The following IFT122 variants were observed in gnomAD, a reference collection of about 807,000 sequenced individuals.
IFT122 encodes the protein intraflagellar transport 122.
In IFT122, 118 loss-of-function variants were observed where a neutral mutation model predicts 161.6. The ratio of observed to expected loss-of-function variants is 0.73; its 90% confidence interval spans 0.63 to 0.85. IFT122 has a LOEUF of 0.85. IFT122 is among the 40% of genes least tolerant of loss of function. The pLI, the probability that IFT122 is intolerant of heterozygous loss-of-function variation, is 0.00. For synonymous variants in IFT122, 550 were observed against 602.4 expected, an observed-to-expected ratio of 0.91 and a Z score of 1.27; for missense variants, 1,381 against 1,579.6, an observed-to-expected ratio of 0.87 and a Z score of 2.13.
chr3:129,479,786 A>G lies in IFT122; in HGVS notation c.1352A>G (p.Glu451Gly). The change falls in exon 13 of 30, where the codon GAG (glutamate) becomes GGG (glycine). Residue 451 changes from glutamate (E) to glycine (G), a missense_variant and splice_region_variant. Transcript: ENST00000348417. The part of the protein sequence containing the change: ...VCANHIILCQ[E>G]KRLQCLSFSG... ...TGCAGAGCTGGGTTTGCTTCCTAGGAGAAACGGCTGCAGTGCCTGTCCTTC... is the reference window on the plus strand; with the variant it reads ...TGCAGAGCTGGGTTTGCTTCCTAGGGGAAACGGCTGCAGTGCCTGTCCTTC... 3.1e-6 allele frequency: 5 copies of G among 1,613,930 alleles called. No homozygotes were observed. Among genetic ancestry groups the G allele is most frequent in the Non-Finnish European group, 4.2e-6 (5 of 1,180,030 alleles).
chr3:129,478,761 C>G (rs901970801), intron 12 of IFT122, among the ~76,000 whole-genome samples: 1 of 152,166 alleles, frequency 6.6e-6, no homozygotes, highest in East Asian at 1.9e-4. Flanking sequence ...ATACCTTGTT[C>G]TATTGCAGAA....
chr3:129,519,923 G>A (rs924818789), intron 29 of IFT122, among the ~76,000 whole-genome samples, 191 bp downstream of exon 29: 3 of 152,104 alleles, frequency 2.0e-5, no homozygotes, highest in Admixed American at 1.3e-4. Flanking sequence ...TGGCCCCTGC[G>A]CTGTCCACAT....
Position 129,476,480 on chromosome 3 carries a change from C to T in IFT122, c.982C>T (p.Gln328Ter), listed in dbSNP as rs1377926916. Reference protein sequence around the residue: ...GEQNSWVWTCQAKPDSNYVVV... With the variant: ...GEQNSWVWTC ...GCAGAACTCCTGGGTGTGGACGTGT[C>T]AAGCGAAACCGGATTCCAACTATGT... The change falls in exon 10 of 30, where the codon CAA (glutamine) becomes TAA (stop). Residue 328 changes from glutamine (Q) to a stop codon, truncating the protein, a stop_gained. Transcript: ENST00000348417. LOFTEE classifies it high-confidence loss of function. 1 of 1,614,090 alleles carries T rather than the reference C, an allele frequency of 6.2e-7. No individual in the cohort carries two copies. Among genetic ancestry groups the T allele is most frequent in the Admixed American group, 1.7e-5 (1 of 60,016 alleles).
At chr3:129,460,800 G>A in intron 4 of IFT122, 1 of 1,452,716 alleles carries the variant, frequency 6.9e-7, no homozygotes, top group Non-Finnish European at 9.7e-7. Context: ...CGCCTTGCAT[G>A]GTACATGATT....
chr3:129,500,173 A>C (rs2081359589), intron 19 of IFT122, 105 bp downstream of exon 19: 1 of 1,333,750 alleles, frequency 7.5e-7, no homozygotes, highest in Non-Finnish European at 1.1e-6. Context: ...ATCTAAAGCT[A>C]ATGTGATAGT....
intron 3 of IFT122, among the ~76,000 whole-genome samples, chr3:129,455,774 G>T (rs2075402232): frequency 6.6e-6 from 1 of 151,900 alleles, no homozygotes; most frequent in African/African-American, 2.4e-5. Flanking sequence ...ATTATATATT[G>T]TATTCTTAAA....
Position 129,440,368 on chromosome 3 carries a change from A to G in IFT122, c.38A>G (p.His13Arg), listed in dbSNP as rs1202494107. 3 of 1,550,624 alleles carry G rather than the reference A, an allele frequency of 1.9e-6. No individual in the cohort carries two copies. The highest frequency in any genetic ancestry group is 2.6e-6 in the Non-Finnish European group (3 of 1,146,792). Residue 13 changes from histidine (H) to arginine (R), a missense_variant, in exon 1 of 30, where the codon CAC (histidine) becomes CGC (arginine). This residue lies in a region of IFT122 where 134 missense variants were observed against 137.4 expected (regional missense o/e 0.98). Transcript: ENST00000348417. The stretch of plus-strand genomic sequence containing the variant: ...TTGACGTGGAGAGATAAAGCCGAGC[A>G]CTGGTGAGGAGCGGGGCGGTTCGCG... ...AVLTWRDKAEHCINDIAFKPD... is the reference protein window; with the variant it reads ...AVLTWRDKAERCINDIAFKPD...
At chr3:129,488,470 G>C in intron 16 of IFT122, 73 bp downstream of exon 16, 1 of 1,599,798 alleles carries the variant, frequency 6.3e-7, no homozygotes, top group Non-Finnish European at 8.6e-7. Flanking sequence ...GGGGACCCAG[G>C]TGGCACGGAG....
chr3:129,476,942 T>TTTA, intron 11 of IFT122, 141 bp downstream of exon 11: 1 of 920,456 alleles, frequency 1.1e-6, no homozygotes, highest in East Asian at 2.7e-5. Flanking sequence ...TGTGTCTTGT[T>TTTA]TTCTTTTTTT....
intron 5 of IFT122, 148 bp from the exon 6 acceptor site, chr3:129,463,412 A>G (rs2076384542): frequency 4.3e-6 from 3 of 691,828 alleles, no homozygotes; most frequent in Non-Finnish European, 7.9e-6. Context: ...ATCGTACAGT[A>G]TATGACCTTT....
chr3:129,446,963 C>A (rs2074082020), intron 1 of IFT122, among the ~76,000 whole-genome samples: 1 of 152,150 alleles, frequency 6.6e-6, no homozygotes. Context: ...CACATTCTTA[C>A]TATAGTCACC....
intron 9 of IFT122, 64 bp from the exon 10 acceptor site, chr3:129,476,251 T>G: frequency 6.4e-7 from 1 of 1,571,206 alleles, no homozygotes; most frequent in Non-Finnish European, 8.7e-7. Flanking sequence ...AAGCCCTTAA[T>G]TGTATTGCAA....
At chr3:129,499,245 G>A (rs1234383285) in intron 18 of IFT122, among the ~76,000 whole-genome samples, 1 of 152,238 alleles carries the variant, frequency 6.6e-6, no homozygotes, top group Admixed American at 6.5e-5. Context: ...ATGTTTGCTT[G>A]TTATCTGTTC....
chr3:129,448,248 G>T (rs943864732), intron 1 of IFT122, among the ~76,000 whole-genome samples: 7 of 152,216 alleles, frequency 4.6e-5, no homozygotes, highest in African/African-American at 1.7e-4. Context: ...GTGAGGTTAC[G>T]AGTAGAAGTT....
chr3:129,517,409 C>CT (rs2084108126), intron 26 of IFT122, 60 bp from the exon 27 acceptor site: 1 of 1,605,228 alleles, frequency 6.2e-7, no homozygotes, highest in Admixed American at 1.7e-5. Flanking sequence ...CCCCACCTGC[C>CT]TGGCGGCAAG....
intron 15 of IFT122, 176 bp from the exon 16 acceptor site, chr3:129,488,081 A>G: frequency 1.1e-6 from 1 of 928,962 alleles, no homozygotes; most frequent in South Asian, 1.5e-5. Flanking sequence ...GAGGTGCAGG[A>G]TGGAGCACAC....
chr3:129,516,518 C>T (rs372526517), intron 26 of IFT122, among the ~76,000 whole-genome samples: 2 of 135,014 alleles, frequency 1.5e-5, no homozygotes, highest in African/African-American at 5.8e-5. Context: ...ACTGCCCCTG[C>T]GTGCACACAC....
At chr3:129,495,339 T>C in intron 17 of IFT122, 107 bp from the exon 18 acceptor site, 1 of 1,480,614 alleles carries the variant, frequency 6.8e-7, no homozygotes, top group Middle Eastern at 2.4e-4. Flanking sequence ...CAGGTTCCAG[T>C]AGGAAGGCCC....
intron 8 of IFT122, among the ~76,000 whole-genome samples, chr3:129,467,661 T>G (rs989103563): frequency 6.6e-6 from 1 of 152,200 alleles, no homozygotes; most frequent in Non-Finnish European, 1.5e-5. Flanking sequence ...GGCTGTCTAG[T>G]CATTCTTCTC....
Sources: gnomAD v4.1 joint callset for allele counts (sites outside exome capture counted in the v4.1 genomes callset) on GRCh38, gnomAD v4.1.1 for gene constraint, gnomAD v4.1.1 regional missense constraint, MANE v1.5 for transcripts, NCBI Gene and HGNC (gene_info 2026-07-23, HGNC 2026-07-21) for gene names.